SUSD4: variants seen among roughly 807,000 people sequenced by gnomAD.
The protein encoded by SUSD4 is sushi domain containing 4.
SUSD4 carries 41 observed loss-of-function variants against 50.5 expected under a neutral mutation model. That is an observed-to-expected ratio of 0.81 (90% CI 0.63 to 1.05). The LOEUF (loss-of-function observed/expected upper bound fraction) is 1.05, where lower values mean the gene tolerates loss of function less well. SUSD4 is among the 50% of genes least tolerant of loss of function. SUSD4 has a pLI of 0.00. For synonymous variants in SUSD4, 257 were observed against 257.3 expected, an observed-to-expected ratio of 1.00 and a Z score of 0.01; for missense variants, 580 against 634.7, an observed-to-expected ratio of 0.91 and a Z score of 0.93.
At chr1:223,225,861 A>C (rs984554342) in intron 7 of SUSD4, among the ~76,000 whole-genome samples, 2 of 151,384 alleles carry the variant, frequency 1.3e-5, no homozygotes. Context: ...TGCAGGCTCT[A>C]CTCTTGTGGA....
chr1:223,353,137 A>C lies in SUSD4; in HGVS notation c.148+10141T>G, dbSNP rs529459260. On this transcript the variant is annotated intron_variant, in intron 2 of 8. Transcript: ENST00000366878. ...TTTCCATTTCCAGACGTCACCATTC[A>C]CTGAACATGCCAGCAGCAGGCACTG... 1.6e-4 allele frequency among the ~76,000 whole-genome samples: 24 copies of C among 152,230 alleles called. 1 individual carries two copies. In the East Asian group the frequency reaches 4.3e-3, roughly 27 times the overall value.
intron 3 of SUSD4, among the ~76,000 whole-genome samples, chr1:223,274,050 G>C (rs996590059): frequency 6.6e-6 from 1 of 152,052 alleles, no homozygotes; most frequent in African/African-American, 2.4e-5. Context: ...GGGGGGTCTT[G>C]GGGACTCTGA....
At position 223,292,619 on chromosome 1, in the gene SUSD4, C is replaced by T. The variant is rs764402849; in HGVS notation, c.181G>A (p.Gly61Ser). The T allele has an allele frequency of 6.8e-6, 11 of 1,613,950 alleles. No homozygotes were observed. The highest frequency in any genetic ancestry group is 1.6e-4 in the Middle Eastern group (1 of 6,084). Residue 61 changes from glycine (G) to serine (S), a missense_variant, in exon 3 of 9, where the codon GGC becomes AGC. By Grantham distance (56) the Gly-to-Ser change is moderately conservative (BLOSUM62 0). Transcript: ENST00000366878. ...FDDLQVCADPGIPENGFRTPS... is the reference protein window; with the variant it reads ...FDDLQVCADPSIPENGFRTPS... ...GTCCTGAAGCCATTCTCGGGAATGC[C>T]GGGGTCAGCACACACTTGAAGGTCA...
intron 5 of SUSD4, among the ~76,000 whole-genome samples, chr1:223,243,079 T>A (rs931721018): frequency 6.6e-6 from 1 of 152,046 alleles, no homozygotes; most frequent in African/African-American, 2.4e-5. Context: ...CTCCCCATGA[T>A]GGGCAGCCGG....
chr1:223,312,440 G>A (rs1665935818), intron 2 of SUSD4, among the ~76,000 whole-genome samples: 1 of 152,086 alleles, frequency 6.6e-6, no homozygotes, highest in South Asian at 2.1e-4. Context: ...AAGGGCACCT[G>A]GCTCCAAATC....
intron 5 of SUSD4, among the ~76,000 whole-genome samples, chr1:223,246,540 G>A (rs1236758255): frequency 6.6e-6 from 1 of 151,974 alleles, no homozygotes; most frequent in Non-Finnish European, 1.5e-5. Flanking sequence ...TACAAGGTTG[G>A]TAATCCAGGC....
intron 2 of SUSD4, among the ~76,000 whole-genome samples, chr1:223,295,949 C>A (rs1254776374): frequency 6.6e-6 from 1 of 151,906 alleles, no homozygotes; most frequent in Non-Finnish European, 1.5e-5. Context: ...GGCTACAGAC[C>A]AGGAAAAGGG....
At chr1:223,251,150 C>T in intron 5 of SUSD4, among the ~76,000 whole-genome samples, 1 of 152,084 alleles carries the variant, frequency 6.6e-6, no homozygotes, top group Admixed American at 6.6e-5. Flanking sequence ...CATTGTATTG[C>T]TATAATAGAA....
chr1:223,305,458 G>A (rs1447213604), intron 2 of SUSD4, among the ~76,000 whole-genome samples: 1 of 152,078 alleles, frequency 6.6e-6, no homozygotes, highest in East Asian at 1.9e-4. Flanking sequence ...TCCAATAAGA[G>A]ACAATACAAA....
chr1:223,354,340 C>CAA (rs202177795), intron 2 of SUSD4, among the ~76,000 whole-genome samples: 93 of 134,408 alleles, frequency 6.9e-4, no homozygotes, highest in Non-Finnish European at 1.1e-3. Context: ...CCTCAGCCTC[C>CAA]AAAAAAAAAA....
At chr1:223,246,217 G>A (rs770229823) in intron 5 of SUSD4, among the ~76,000 whole-genome samples, 55 of 152,270 alleles carry the variant, frequency 3.6e-4, no homozygotes, top group Middle Eastern at 6.8e-3. Context: ...GCCGCGAGGG[G>A]AGACTGTCCC....
intron 2 of SUSD4, among the ~76,000 whole-genome samples, chr1:223,357,684 T>C (rs768064979): frequency 8.5e-5 from 13 of 152,228 alleles, no homozygotes; most frequent in Admixed American, 1.3e-4. Flanking sequence ...TTGGAAACTT[T>C]TGTCAATCAC....
intron 6 of SUSD4, among the ~76,000 whole-genome samples, chr1:223,228,901 C>A (rs999988556): frequency 6.6e-6 from 1 of 151,678 alleles, no homozygotes; most frequent in Non-Finnish European, 1.5e-5. Flanking sequence ...GCTTTTTAAC[C>A]TGGGAATGGA....
Position 223,263,015 on chromosome 1 carries a change from A to G in SUSD4, c.724+1615T>C, listed in dbSNP as rs558303486. On this transcript the variant is annotated intron_variant, in intron 5 of 8. Transcript: ENST00000366878. Reference sequence around the variant, plus strand: ...TCCAATCATATTCTCTAGTCTCCATAAAGACTGCTTACAAGTCCCAAAATA... The same window carrying G: ...TCCAATCATATTCTCTAGTCTCCATGAAGACTGCTTACAAGTCCCAAAATA... Among the ~76,000 whole-genome samples the G allele has an allele frequency of 1.3e-4, 20 of 152,330 alleles. 1 individual carries two copies. In the South Asian group the frequency reaches 4.1e-3, roughly 32 times the overall value.
At chr1:223,278,385 C>T (rs146083071) in intron 3 of SUSD4, among the ~76,000 whole-genome samples, 186 of 152,278 alleles carry the variant, frequency 1.2e-3, no homozygotes, top group Non-Finnish European at 2.3e-3. Flanking sequence ...GCTTCTCAAA[C>T]GGTCTTAGCA....
intron 2 of SUSD4, among the ~76,000 whole-genome samples, chr1:223,314,877 C>A (rs761178488): frequency 1.3e-5 from 2 of 152,150 alleles, no homozygotes; most frequent in Non-Finnish European, 2.9e-5. Context: ...CAAACTAATA[C>A]ACTCCAGAAA....
intron 2 of SUSD4, among the ~76,000 whole-genome samples, chr1:223,329,132 G>A (rs1396337370): frequency 6.6e-6 from 1 of 152,088 alleles, no homozygotes; most frequent in Non-Finnish European, 1.5e-5. Flanking sequence ...CTCTCTGTGG[G>A]TAATTCTCAC....
intron 2 of SUSD4, among the ~76,000 whole-genome samples, chr1:223,300,320 C>T (rs1477894324): frequency 6.6e-6 from 1 of 152,172 alleles, no homozygotes; most frequent in Non-Finnish European, 1.5e-5. Context: ...TTCTTTTCTC[C>T]TAACCAAAAA....
chr1:223,257,221 G>A (rs906193446), intron 5 of SUSD4, among the ~76,000 whole-genome samples: 4 of 152,076 alleles, frequency 2.6e-5, no homozygotes, highest in African/African-American at 7.2e-5. Context: ...TGTAGATGAC[G>A]GGCTGGGTGC....
Sources: gnomAD v4.1 joint callset for allele counts (sites outside exome capture counted in the v4.1 genomes callset) on GRCh38, gnomAD v4.1.1 for gene constraint, MANE v1.5 for transcripts, NCBI Gene and HGNC (gene_info 2026-07-23, HGNC 2026-07-21) for gene names.